Variants in TOX observed in about 807,000 individuals in gnomAD.
TOX encodes thymocyte selection-associated high mobility group box protein TOX.
In TOX, 11 loss-of-function variants were observed where a neutral mutation model predicts 53.7. The ratio of observed to expected loss-of-function variants is 0.20; its 90% CI spans 0.13 to 0.34. The LOEUF (loss-of-function observed/expected upper bound fraction) is 0.34. Among genes scored for constraint, TOX ranks in the 10% least tolerant of loss-of-function variants. The probability of loss-of-function intolerance (pLI) is 1.00; values close to 1 mark genes in which losing one functional copy is unlikely to be tolerated. For missense variants in TOX, 570 were observed against 664.6 expected (o/e 0.86, Z 1.56); for synonymous variants, 225 against 245.3 (o/e 0.92, Z 0.77).
intron 1 of TOX, among the ~76,000 whole-genome samples, chr8:59,052,215 T>C (rs1585988881): frequency 6.6e-6 from 1 of 152,328 alleles, no homozygotes; most frequent in African/African-American, 2.4e-5. Context: ...TATAACATTA[T>C]TTTATATGTT....
At chr8:59,092,198 G>C (rs1164643802) in intron 1 of TOX, among the ~76,000 whole-genome samples, 3 of 145,996 alleles carry the variant, frequency 2.1e-5, no homozygotes, top group Admixed American at 7.0e-5. Context: ...GTTGCAGTGA[G>C]TCGAGATCGC....
At chr8:59,033,035 A>AG (rs1473348920) in intron 1 of TOX, among the ~76,000 whole-genome samples, 24 of 148,586 alleles carry the variant, frequency 1.6e-4, no homozygotes, top group African/African-American at 5.4e-4. Flanking sequence ...CTCCAACTCA[A>AG]AAAAAAAAAA....
At chr8:58,954,388 A>G (rs1228403807) in intron 2 of TOX, among the ~76,000 whole-genome samples, 1 of 152,186 alleles carries the variant, frequency 6.6e-6, no homozygotes, top group Non-Finnish European at 1.5e-5. Context: ...ATTTTAGTTG[A>G]TTTGCTTATC....
At chr8:58,938,267 C>T (rs28654940) in intron 3 of TOX, among the ~76,000 whole-genome samples, 1,966 of 152,130 alleles carry the variant, frequency 0.013, 56 homozygotes, top group African/African-American at 0.045. Context: ...AGATATATCC[C>T]CCAATGATTT....
In TOX at chr8:59,103,725, G is replaced by A. The variant is rs190069857; in HGVS notation, c.102+15161C>T. Among the ~76,000 whole-genome samples the A allele has an allele frequency of 9.7e-4, 147 of 152,254 alleles. 1 individual carries two copies. Among genetic ancestry groups the A allele is most frequent in the Non-Finnish European group, 5.9e-5 (4 of 68,024 alleles). On this transcript the variant is annotated intron_variant, in intron 1 of 8. Coordinates refer to ENST00000361421, the MANE Select transcript of TOX (RefSeq NM_014729.3). The stretch of plus-strand genomic sequence containing the variant: ...AGATACCTTCAAAAACGCCAACAGA[G>A]ATTTCTGAATATGTTTGGACACTTT...
At chr8:58,838,365 A>G in intron 4 of TOX, 54 bp from the exon 5 acceptor site, 1 of 1,467,366 alleles carries the variant, frequency 6.8e-7, no homozygotes, top group Non-Finnish European at 9.4e-7. Context: ...TTTGGGGACA[A>G]GACATATCGT....
intron 1 of TOX, among the ~76,000 whole-genome samples, chr8:59,096,666 A>G (rs564451710): frequency 2.6e-5 from 4 of 152,228 alleles, no homozygotes; most frequent in Non-Finnish European, 5.9e-5. Context: ...AAAATGAAAA[A>G]GATCACTAGA....
At chr8:58,830,920 T>C (rs1472079385) in intron 5 of TOX, among the ~76,000 whole-genome samples, 1 of 152,148 alleles carries the variant, frequency 6.6e-6, no homozygotes, top group Non-Finnish European at 1.5e-5. Flanking sequence ...AATTTAAAAT[T>C]TTCAGCTTCT....
At chr8:58,925,550 A>T (rs1204580835) in intron 3 of TOX, among the ~76,000 whole-genome samples, 1 of 152,212 alleles carries the variant, frequency 6.6e-6, no homozygotes. Context: ...AGAGGAAGAA[A>T]GTATACGATA....
rs370201995 is a variant in TOX at position 59,000,199 on chromosome 8, T to C, written c.103-40191A>G. On this transcript the variant is annotated intron_variant, in intron 1 of 8. Coordinates refer to ENST00000361421, the MANE Select transcript of TOX (RefSeq NM_014729.3). ...GAAATAAAAAGAATAGATGTGTATA[T>C]TCAGTTCTTACAGATAATAGCTGAA... Among the ~76,000 whole-genome samples, 5 of 152,290 alleles carry C rather than the reference T, an allele frequency of 3.3e-5. No individual in the cohort carries two copies. The East Asian group carries it at 9.6e-4, about 29-fold the overall frequency.
At chr8:59,058,024 T>A (rs963523788) in intron 1 of TOX, among the ~76,000 whole-genome samples, 10 of 152,212 alleles carry the variant, frequency 6.6e-5, no homozygotes, top group African/African-American at 2.2e-4. Flanking sequence ...ATAATATTTT[T>A]AAAATATAAA....
At chr8:58,818,700 G>C (rs1810221964) in intron 6 of TOX, among the ~76,000 whole-genome samples, 1 of 152,160 alleles carries the variant, frequency 6.6e-6, no homozygotes, top group African/African-American at 2.4e-5. Flanking sequence ...CTCTTCCCAT[G>C]GAGTGAGGAA....
chr8:59,040,370 A>T (rs1245640278), intron 1 of TOX, among the ~76,000 whole-genome samples: 2 of 149,244 alleles, frequency 1.3e-5, no homozygotes, highest in Non-Finnish European at 3.0e-5. Context: ...ATTTCCTTCC[A>T]TCTCAGAAAA....
chr8:59,041,926 T>A (rs150854107), intron 1 of TOX, among the ~76,000 whole-genome samples: 1 of 152,250 alleles, frequency 6.6e-6, no homozygotes, highest in Non-Finnish European at 1.5e-5. Context: ...TCCTGAGTTA[T>A]GTTATGTACG....
intron 1 of TOX, among the ~76,000 whole-genome samples, chr8:59,021,038 G>A (rs1814115841): frequency 2.9e-5 from 4 of 136,606 alleles, no homozygotes; most frequent in Admixed American, 2.4e-4. Flanking sequence ...TCATTTGGGA[G>A]TTTGAAGCTA....
chr8:59,079,465 G>C (rs1804357967), intron 1 of TOX, among the ~76,000 whole-genome samples: 1 of 152,124 alleles, frequency 6.6e-6, no homozygotes, highest in Non-Finnish European at 1.5e-5. Context: ...TCACATGCAG[G>C]CCACTCCAGA....
At chr8:59,050,328 T>C (rs1002393302) in intron 1 of TOX, among the ~76,000 whole-genome samples, 2 of 152,114 alleles carry the variant, frequency 1.3e-5, no homozygotes, top group African/African-American at 4.8e-5. Context: ...CCTTCCAGGA[T>C]TGTTGTTAGA....
At chr8:58,863,766 G>A (rs370946895) in intron 3 of TOX, among the ~76,000 whole-genome samples, 5 of 151,658 alleles carry the variant, frequency 3.3e-5, no homozygotes, top group South Asian at 2.1e-4. Context: ...TCTGTGCCTC[G>A]CACTGTGAGA....
At chr8:58,920,750 A>G (rs1264640719) in intron 3 of TOX, among the ~76,000 whole-genome samples, 15 of 44,896 alleles carry the variant, frequency 3.3e-4, no homozygotes, top group African/African-American at 2.2e-3. Context: ...AAAAAAGAAG[A>G]AAAAAAAAAA....
Sources: gnomAD v4.1 joint callset for allele counts (sites outside exome capture counted in the v4.1 genomes callset) on GRCh38, gnomAD v4.1.1 for gene constraint, MANE v1.5 for transcripts, NCBI Gene and HGNC (gene_info 2026-07-23, HGNC 2026-07-21) for gene names.